Variants in TRPC4 observed in about 807,000 individuals in gnomAD.
TRPC4 encodes short transient receptor potential channel 4.
TRPC4 carries 49 observed loss-of-function variants against 99.4 expected under a neutral mutation model. That is an observed-to-expected ratio of 0.49 (90% CI 0.39 to 0.63). TRPC4 has a LOEUF of 0.63. TRPC4 is among the 20% of genes least tolerant of loss of function. TRPC4 has a pLI of 0.00. For missense variants in TRPC4, 898 were observed against 1,152.9 expected (o/e 0.78, Z 3.20); for synonymous variants, 454 against 425.9 (o/e 1.07, Z -0.81).
At chr13:37,762,556 T>C (rs940197446) in intron 2 of TRPC4, among the ~76,000 whole-genome samples, 4 of 151,690 alleles carry the variant, frequency 2.6e-5, no homozygotes, top group Non-Finnish European at 5.9e-5. Context: ...GATGAGTTCA[T>C]GTCCTTTGTA....
chr13:37,847,106 C>T (rs139870901), intron 1 of TRPC4, among the ~76,000 whole-genome samples: 29 of 151,778 alleles, frequency 1.9e-4, no homozygotes, highest in African/African-American at 6.8e-4. Context: ...TAGGGGGCCT[C>T]GATACTCCAC....
intron 1 of TRPC4, among the ~76,000 whole-genome samples, chr13:37,821,190 C>CCACACACACACACACACACA (rs3086254): frequency 2.2e-5 from 3 of 136,010 alleles, no homozygotes; most frequent in East Asian, 4.6e-4. Context: ...TTCACAATAG[C>CCACACACACACACACACACA]CACACACACA....
At chr13:37,865,821 T>C (rs1959706502) in intron 1 of TRPC4, among the ~76,000 whole-genome samples, 1 of 151,744 alleles carries the variant, frequency 6.6e-6, no homozygotes, top group African/African-American at 2.4e-5. Context: ...CACAAAGCAA[T>C]TTTGTGATTT....
At position 37,784,799 on chromosome 13, in the gene TRPC4, A is replaced by C. The variant is rs141258841; in HGVS notation, c.-27-1439T>G. 2.6e-3 allele frequency among the ~76,000 whole-genome samples: 392 copies of C among 152,070 alleles called. 3 individuals are homozygous for C. Among genetic ancestry groups the C allele is most frequent in the Middle Eastern group, 0.01 (3 of 288 alleles). On this transcript the variant is annotated intron_variant, in intron 1 of 10. Transcript: ENST00000379705. The stretch of plus-strand genomic sequence containing the variant: ...TTTTACATTGTTTGCATATTACCTC[A>C]ATTTATTATTTTAATTATCAAGGAA...
At chr13:37,789,125 G>T (rs1957046757) in intron 1 of TRPC4, among the ~76,000 whole-genome samples, 1 of 152,082 alleles carries the variant, frequency 6.6e-6, no homozygotes, top group Admixed American at 6.6e-5. Flanking sequence ...GTCTCTAAAA[G>T]GCTGATAACC....
At position 37,637,479 on chromosome 13, in the gene TRPC4, AT is replaced by A. The variant is rs1284177723; in HGVS notation, c.2357del (p.Asn786IlefsTer14). The A allele has an allele frequency of 6.2e-7, 1 of 1,613,610 alleles. No individual in the cohort carries two copies. Among genetic ancestry groups the A allele is most frequent in the South Asian group, 1.1e-5 (1 of 91,056 alleles). ...DSDEKSDSEG[N>X]SKDKKKNFSL... ...TGAAATTCTTTTTCTTGTCCTTGCT[AT>A]TACCTTCGCTATCACTCTTTTCATC... is the stretch of plus-strand genomic sequence containing the variant. On this transcript the variant is annotated frameshift_variant, in exon 11 of 11. Coordinates refer to ENST00000379705, the MANE Select transcript of TRPC4 (RefSeq NM_016179.4). LOFTEE classifies it high-confidence loss of function.
intron 1 of TRPC4, among the ~76,000 whole-genome samples, chr13:37,869,012 C>A (rs998840585): frequency 1.3e-5 from 2 of 152,002 alleles, no homozygotes; most frequent in African/African-American, 4.8e-5. Flanking sequence ...GGTTGCCAGG[C>A]GAACTAGGAA....
chr13:37,700,833 G>A (rs1445482581), intron 3 of TRPC4, among the ~76,000 whole-genome samples: 2 of 152,040 alleles, frequency 1.3e-5, no homozygotes, highest in African/African-American at 2.4e-5. Context: ...GTAGCCTTAA[G>A]GTTGAGAATA....
At chr13:37,845,530 A>C (rs1593307624) in intron 1 of TRPC4, among the ~76,000 whole-genome samples, 1 of 152,182 alleles carries the variant, frequency 6.6e-6, no homozygotes, top group East Asian at 1.9e-4. Flanking sequence ...AATTAAATAG[A>C]AAGTTTCAAT....
intron 1 of TRPC4, among the ~76,000 whole-genome samples, chr13:37,824,142 A>G (rs1402658624): frequency 4.0e-5 from 6 of 150,410 alleles, no homozygotes; most frequent in Admixed American, 6.7e-5. Context: ...GACTTTGCTG[A>G]AGTTGCTTAT....
At chr13:37,645,734 C>A (rs2054905484) in intron 8 of TRPC4, among the ~76,000 whole-genome samples, 1 of 152,184 alleles carries the variant, frequency 6.6e-6, no homozygotes, top group South Asian at 2.1e-4. Context: ...ACCCTTATAG[C>A]ATACATCTGC....
intron 5 of TRPC4, among the ~76,000 whole-genome samples, chr13:37,670,488 C>T (rs1304686156): frequency 3.9e-5 from 6 of 152,120 alleles, no homozygotes; most frequent in Non-Finnish European, 8.8e-5. Flanking sequence ...CACCGGTAAT[C>T]CCGTCTGAAG....
chr13:37,816,265 A>G (rs1226632823), intron 1 of TRPC4, among the ~76,000 whole-genome samples: 1 of 151,894 alleles, frequency 6.6e-6, no homozygotes, highest in African/African-American at 2.4e-5. Context: ...CAGACTCATA[A>G]AGCAAGTTCT....
intron 1 of TRPC4, among the ~76,000 whole-genome samples, chr13:37,826,345 G>GT (rs1340668629): frequency 8.9e-6 from 1 of 112,188 alleles, no homozygotes; most frequent in African/African-American, 3.6e-5. Flanking sequence ...TTGCTCGTTA[G>GT]TTGATGCAGT....
At chr13:37,765,123 A>G (rs1349833120) in intron 2 of TRPC4, among the ~76,000 whole-genome samples, 1 of 151,282 alleles carries the variant, frequency 6.6e-6, no homozygotes, top group Non-Finnish European at 1.5e-5. Context: ...ATTCATTTCA[A>G]ATATTTTAGC....
intron 2 of TRPC4, among the ~76,000 whole-genome samples, chr13:37,749,194 T>C (rs1163891828): frequency 6.6e-6 from 1 of 152,124 alleles, no homozygotes; most frequent in African/African-American, 2.4e-5. Flanking sequence ...ATAAGTTTCT[T>C]GAGGGCTCCC....
intron 4 of TRPC4, among the ~76,000 whole-genome samples, chr13:37,687,272 ACTT>A (rs1953515548): frequency 6.6e-6 from 1 of 152,092 alleles, no homozygotes; most frequent in South Asian, 2.1e-4. Flanking sequence ...CCAAAGTTCT[ACTT>A]CTTTCATGAA....
chr13:37,809,412 T>A (rs561203688), intron 1 of TRPC4, among the ~76,000 whole-genome samples: 3 of 151,986 alleles, frequency 2.0e-5, no homozygotes, highest in Non-Finnish European at 2.9e-5. Flanking sequence ...ATATCTTATT[T>A]TGATGGAAAT....
chr13:37,669,648 G>A (rs1952768773), intron 5 of TRPC4, among the ~76,000 whole-genome samples: 1 of 151,994 alleles, frequency 6.6e-6, no homozygotes, highest in Admixed American at 6.6e-5. Context: ...TCTATTCTAT[G>A]GAATTAAATG....
Sources: allele counts gnomAD v4.1 joint callset (sites outside exome capture counted in the v4.1 genomes callset), GRCh38; gene constraint gnomAD v4.1.1; transcripts MANE v1.5; gene names NCBI Gene and HGNC (gene_info 2026-07-23, HGNC 2026-07-21).